Variants in PSIP1 observed in about 807,000 individuals in gnomAD.
PSIP1 encodes the protein PC4 and SFRS1-interacting protein.
In PSIP1, 19 loss-of-function variants were observed where a neutral mutation model predicts 74.7. The ratio of observed to expected loss-of-function variants is 0.25; its 90% CI spans 0.18 to 0.37. The LOEUF is 0.37. Ranked by LOEUF, PSIP1 falls within the 10% of genes least tolerant of loss-of-function variation. The probability of loss-of-function intolerance (pLI) is 1.00; values close to 1 mark genes in which losing one functional copy is unlikely to be tolerated. For synonymous variants in PSIP1, 222 were observed against 195.3 expected, an observed-to-expected ratio of 1.14 and a Z score of -1.14; for missense variants, 601 against 614.3, an observed-to-expected ratio of 0.98 and a Z score of 0.23.
chr9:15,497,838 C>G (rs1294913396), intron 3 of PSIP1, among the ~76,000 whole-genome samples: 1 of 152,188 alleles, frequency 6.6e-6, no homozygotes, highest in African/African-American at 2.4e-5. Flanking sequence ...ATCTCACCAA[C>G]TAAATCTACT....
At chr9:15,508,676 G>A (rs1012396999) in intron 2 of PSIP1, among the ~76,000 whole-genome samples, 1 of 152,256 alleles carries the variant, frequency 6.6e-6, no homozygotes, top group African/African-American at 2.4e-5. Flanking sequence ...AAGTATATCA[G>A]AGGGGCCTTA....
chr9:15,494,051 G>A (rs73423308), intron 3 of PSIP1, among the ~76,000 whole-genome samples: 5,488 of 152,184 alleles, frequency 0.036, 309 homozygotes, highest in African/African-American at 0.12. Context: ...TATGACAGCT[G>A]ATATACATAT....
At chr9:15,477,706 A>C (rs2036150675) in intron 8 of PSIP1, among the ~76,000 whole-genome samples, 1 of 152,108 alleles carries the variant, frequency 6.6e-6, no homozygotes, top group Non-Finnish European at 1.5e-5. Flanking sequence ...GCAAGGGAAA[A>C]ATGCAAAAAA....
chr9:15,486,213 T>C (rs899257237), intron 5 of PSIP1, 145 bp from the exon 6 acceptor site: 9 of 589,754 alleles, frequency 1.5e-5, no homozygotes, highest in Admixed American at 7.0e-5. Flanking sequence ...ATTAAAAACA[T>C]TGTGTCTCAA....
chr9:15,485,079 C>T (rs1009569607), intron 6 of PSIP1, among the ~76,000 whole-genome samples: 1 of 151,920 alleles, frequency 6.6e-6, no homozygotes, highest in African/African-American at 2.4e-5. Context: ...AGCATGAGAC[C>T]CCATCTCTTA....
rs747569665 is a variant in PSIP1 at position 15,510,110 on chromosome 9, C to G, written c.72+7G>C. The G allele has an allele frequency of 1.2e-6, 2 of 1,601,916 alleles. No individual in the cohort carries two copies. The highest frequency in any genetic ancestry group is 1.7e-6 in the Non-Finnish European group (2 of 1,174,030). ...ACTGCTAAGCGCGAGGGCTACAAAT[C>G]ACTTACTCGAGCTGGCCAATGGGGA... is the stretch of plus-strand genomic sequence containing the variant. On this transcript the variant is annotated splice_region_variant and intron_variant, in intron 2 of 15. Coordinates refer to ENST00000380733, the MANE Select transcript of PSIP1 (RefSeq NM_033222.5).
chr9:15,484,350 G>A (rs1030528910), intron 6 of PSIP1, among the ~76,000 whole-genome samples: 4 of 151,564 alleles, frequency 2.6e-5, no homozygotes, highest in African/African-American at 7.3e-5. Context: ...TGTAATCCCA[G>A]AGCTTCAGGA....
At chr9:15,470,934 T>TAAAAAAA (rs58019501) in intron 10 of PSIP1, 4 of 937,476 alleles carry the variant, frequency 4.3e-6, no homozygotes, top group African/African-American at 2.2e-5. Flanking sequence ...TAAGCTTGGT[T>TAAAAAAA]AAAAAAAAAA....
intron 6 of PSIP1, among the ~76,000 whole-genome samples, chr9:15,480,174 T>C (rs957198178): frequency 6.6e-6 from 1 of 152,230 alleles, no homozygotes; most frequent in Admixed American, 6.5e-5. Context: ...GCTAGTATGA[T>C]TCTCCTGGAG....
At chr9:15,479,169 T>C (rs551804324) in intron 7 of PSIP1, among the ~76,000 whole-genome samples, 4 of 152,254 alleles carry the variant, frequency 2.6e-5, no homozygotes, top group African/African-American at 9.6e-5. Context: ...AAATAGGCAA[T>C]GCTGAAGAGA....
intron 4 of PSIP1, chr9:15,489,499 T>C (rs1027907273): frequency 1.3e-5 from 2 of 150,932 alleles, no homozygotes; most frequent in Non-Finnish European, 2.9e-5. Flanking sequence ...ACCCAGCTAC[T>C]TGGGAGGCTG....
rs150689158 is a variant in PSIP1 at position 15,502,423 on chromosome 9, T to C, written c.149+4138A>G. Among the ~76,000 whole-genome samples, 6 of 152,082 alleles carry C rather than the reference T, an allele frequency of 3.9e-5. No homozygotes were observed. The East Asian group carries it at 5.8e-4, about 15-fold the overall frequency. Reference sequence around the variant, plus strand: ...TGAAGAGTGGAAACTGAAACCAACATAGAGTAAGCGCACTATTTTTAATTT... The same window carrying C: ...TGAAGAGTGGAAACTGAAACCAACACAGAGTAAGCGCACTATTTTTAATTT... On this transcript the variant is annotated intron_variant, in intron 3 of 15. Transcript: ENST00000380733.
Position 15,506,719 on chromosome 9 carries a change from C to T in PSIP1, c.73-82G>A, listed in dbSNP as rs1586870014. 4.8e-6 allele frequency: 5 copies of T among 1,036,308 alleles called. No individual in the cohort carries two copies. In the African/African-American group the frequency reaches 6.4e-5, roughly 13 times the overall value. 64.2% of individuals were successfully genotyped at this position (1,036,308 alleles called of 1,614,324 possible). The stretch of plus-strand genomic sequence containing the variant: ...ATCTGAATAAACAAGAGCACAACAT[C>T]CAAAAGGGTTCTGTTATAAAATGGG... On this transcript the variant is annotated intron_variant, in intron 2 of 15. Transcript: ENST00000380733.
At chr9:15,506,766 C>T in intron 2 of PSIP1, 129 bp from the exon 3 acceptor site, 1 of 616,804 alleles carries the variant, frequency 1.6e-6, no homozygotes, top group African/African-American at 1.8e-5. Context: ...GGCCCATAAT[C>T]TCCTATCCCC....
At chr9:15,507,134 CAA>C (rs993234572) in intron 2 of PSIP1, among the ~76,000 whole-genome samples, 1 of 152,150 alleles carries the variant, frequency 6.6e-6, no homozygotes, top group African/African-American at 2.4e-5. Context: ...CAGTACCTCC[CAA>C]AGTCTGAAAA....
At chr9:15,504,968 T>G (rs2037519103) in intron 3 of PSIP1, 1 of 150,084 alleles carries the variant, frequency 6.7e-6, no homozygotes. Context: ...CTTTTTTTTT[T>G]TTTTTTTTTT....
At chr9:15,488,809 C>T (rs948586252) in intron 4 of PSIP1, among the ~76,000 whole-genome samples, 1 of 151,922 alleles carries the variant, frequency 6.6e-6, no homozygotes, top group Non-Finnish European at 1.5e-5. Flanking sequence ...ATCACAAGGT[C>T]AGGAGATCGA....
chr9:15,491,607 G>A (rs997771576), intron 3 of PSIP1, among the ~76,000 whole-genome samples: 1 of 152,142 alleles, frequency 6.6e-6, no homozygotes, highest in East Asian at 1.9e-4. Flanking sequence ...GTCCCAATAA[G>A]TCCACTGTAA....
intron 6 of PSIP1, among the ~76,000 whole-genome samples, chr9:15,483,471 C>A (rs1158398144): frequency 6.6e-6 from 1 of 152,002 alleles, no homozygotes; most frequent in Admixed American, 6.6e-5. Flanking sequence ...TCCTTCCAGT[C>A]TCATGCCAAC....
Sources: gnomAD v4.1 joint callset for allele counts (sites outside exome capture counted in the v4.1 genomes callset) on GRCh38, gnomAD v4.1.1 for gene constraint, MANE v1.5 for transcripts, NCBI Gene and HGNC (gene_info 2026-07-23, HGNC 2026-07-21) for gene names.